RMDN2: variants seen among roughly 807,000 people sequenced by gnomAD.
RMDN2 encodes the protein regulator of microtubule dynamics protein 2.
Under a neutral mutation model 52.8 loss-of-function variants are expected in RMDN2, and 61 were observed. The observed-to-expected ratio is 1.16, with a 90% CI of 0.94 to 1.43. The LOEUF (loss-of-function observed/expected upper bound fraction) is 1.43, where lower values mean the gene tolerates loss of function less well. Among genes scored for constraint, RMDN2 ranks in the 40% most tolerant of loss-of-function variants. The pLI, the probability that RMDN2 is intolerant of heterozygous loss-of-function variation, is 0.00. For synonymous variants in RMDN2, 180 were observed against 153.1 expected (o/e 1.18, Z -1.30); for missense variants, 592 against 475.3 (o/e 1.25, Z -2.28).
chr2:37,976,797 TAA>T (rs1672525717), intron 4 of RMDN2, among the ~76,000 whole-genome samples: 1 of 152,232 alleles, frequency 6.6e-6, no homozygotes, highest in South Asian at 2.1e-4. Context: ...TATATCTATG[TAA>T]AGTGTTCCAA....
chr2:38,014,952 G>C (rs1678539989), intron 10 of RMDN2, among the ~76,000 whole-genome samples: 1 of 152,154 alleles, frequency 6.6e-6, no homozygotes, highest in African/African-American at 2.4e-5. Context: ...CTGCAACTTG[G>C]GCCATGGGCC....
intron 2 of RMDN2, among the ~76,000 whole-genome samples, chr2:37,944,718 A>G (rs968995777): frequency 6.6e-6 from 1 of 152,216 alleles, no homozygotes; most frequent in Non-Finnish European, 1.5e-5. Flanking sequence ...TGTGGACACC[A>G]GAAGAGTAGA....
chr2:37,938,375 GC>G (rs1250230648), intron 2 of RMDN2, among the ~76,000 whole-genome samples: 1 of 152,252 alleles, frequency 6.6e-6, no homozygotes, highest in African/African-American at 2.4e-5. Context: ...TTGTGTCTCT[GC>G]CAGGTTTTGG....
At chr2:37,930,250 T>G (rs1040720234) in intron 2 of RMDN2, among the ~76,000 whole-genome samples, 4 of 152,238 alleles carry the variant, frequency 2.6e-5, no homozygotes, top group Non-Finnish European at 5.9e-5. Context: ...AATAGCCACT[T>G]GGGCTACTGG....
At chr2:37,953,978 T>C (rs1176426741) in intron 2 of RMDN2, among the ~76,000 whole-genome samples, 1 of 152,120 alleles carries the variant, frequency 6.6e-6, no homozygotes, top group Non-Finnish European at 1.5e-5. Flanking sequence ...GTGTGACTGC[T>C]GCCCATTTGT....
intron 2 of RMDN2, among the ~76,000 whole-genome samples, chr2:37,937,206 A>G (rs1205469872): frequency 6.6e-6 from 1 of 152,044 alleles, no homozygotes; most frequent in Non-Finnish European, 1.5e-5. Context: ...CAAAGATCAG[A>G]TGGTTGTAGA....
intron 5 of RMDN2, among the ~76,000 whole-genome samples, chr2:37,988,351 A>G (rs1429223865): frequency 6.6e-6 from 1 of 152,190 alleles, no homozygotes; most frequent in Admixed American, 6.5e-5. Context: ...ACTCGTGAGT[A>G]GTAGTGTATC....
chr2:38,059,873 T>C (rs919899744), intron 10 of RMDN2, among the ~76,000 whole-genome samples: 3 of 151,980 alleles, frequency 2.0e-5, no homozygotes, highest in Non-Finnish European at 2.9e-5. Flanking sequence ...GGTTTTTTGT[T>C]GTCGTTGGTT....
intron 10 of RMDN2, among the ~76,000 whole-genome samples, chr2:38,031,949 T>C (rs1199790386): frequency 2.6e-5 from 4 of 152,102 alleles, no homozygotes; most frequent in Non-Finnish European, 4.4e-5. Context: ...ACAAAGCAGA[T>C]TGTGCACAAC....
At chr2:37,938,218 AC>A (rs749442603) in intron 2 of RMDN2, among the ~76,000 whole-genome samples, 1 of 152,154 alleles carries the variant, frequency 6.6e-6, no homozygotes, top group Non-Finnish European at 1.5e-5. Flanking sequence ...TGTATGTTGA[AC>A]CAGCCTTGCA....
downstream of RMDN2, among the ~76,000 whole-genome samples, chr2:38,021,495 C>T (rs1437129350): frequency 1.3e-5 from 2 of 152,156 alleles, no homozygotes; most frequent in East Asian, 3.8e-4. Context: ...CGAAGGTCTG[C>T]AGCTTCACTC....
intron 2 of RMDN2, among the ~76,000 whole-genome samples, chr2:37,934,009 T>C (rs1054489048): frequency 6.6e-6 from 1 of 152,212 alleles, no homozygotes. Context: ...CTCTTTCCCA[T>C]TTTTAAGGTG....
chr2:37,984,795 C>A (rs1478780166), intron 5 of RMDN2, among the ~76,000 whole-genome samples: 1 of 151,686 alleles, frequency 6.6e-6, no homozygotes, highest in Non-Finnish European at 1.5e-5. Context: ...AGGTAATATA[C>A]CATGTTGTGA....
intron 2 of RMDN2, among the ~76,000 whole-genome samples, chr2:37,950,847 A>G (rs963700268): frequency 1.3e-5 from 2 of 152,096 alleles, no homozygotes; most frequent in Non-Finnish European, 2.9e-5. Flanking sequence ...TCTCCAACAG[A>G]TATTGTGGTT....
chr2:37,925,717 A>G (rs1361094157), intron 1 of RMDN2, among the ~76,000 whole-genome samples: 2 of 152,208 alleles, frequency 1.3e-5, no homozygotes, highest in Non-Finnish European at 2.9e-5. Context: ...GTGCGTGGGG[A>G]ACAGGCAGTT....
rs527254232 is a variant in RMDN2 at position 38,006,833 on chromosome 2, C to A, written c.1179+2617C>A. 2.7e-4 allele frequency among the ~76,000 whole-genome samples: 41 copies of A among 152,294 alleles called. 1 individual carries two copies. The highest frequency in any genetic ancestry group is 1.8e-3 in the Admixed American group (28 of 15,296). On this transcript the variant is annotated intron_variant, in intron 10 of 10. Coordinates refer to ENST00000354545, the MANE Select transcript of RMDN2 (RefSeq NM_001170791.3). ...TTTTGCCCATTCCGTACGATACTGG[C>A]TGTGGGTTTGTCATAGATAGCTCTT... is the stretch of plus-strand genomic sequence containing the variant.
chr2:37,960,872 T>C (rs1262654823), intron 2 of RMDN2, among the ~76,000 whole-genome samples: 1 of 152,254 alleles, frequency 6.6e-6, no homozygotes, highest in Non-Finnish European at 1.5e-5. Context: ...GGAACTCTTG[T>C]AAGGCAGGCC....
chr2:37,926,779 T>C (rs113952931), intron 1 of RMDN2, among the ~76,000 whole-genome samples: 4 of 152,224 alleles, frequency 2.6e-5, no homozygotes, highest in African/African-American at 9.6e-5. Flanking sequence ...CTACAAGTAA[T>C]GTAAAAATTA....
chr2:38,023,224 C>T (rs539115477), intron 10 of RMDN2, among the ~76,000 whole-genome samples: 1 of 152,264 alleles, frequency 6.6e-6, no homozygotes, highest in Admixed American at 6.5e-5. Context: ...CAGACTGCTC[C>T]AGAGTCCATG....
Sources: allele counts gnomAD v4.1 joint callset (sites outside exome capture counted in the v4.1 genomes callset), GRCh38; gene constraint gnomAD v4.1.1; transcripts MANE v1.5; gene names NCBI Gene and HGNC (gene_info 2026-07-23, HGNC 2026-07-21).